The following B3GALT1 variants were observed in gnomAD, a reference collection of about 807,000 sequenced individuals.
B3GALT1 encodes the protein beta-1,3-galactosyltransferase 1, also known as UDP-Gal:betaGlcNAc beta 1,3-galactosyltransferase, polypeptide 1.
Under a neutral mutation model 23.2 loss-of-function variants are expected in B3GALT1, and 10 were observed. That is an observed-to-expected ratio of 0.43 (90% CI 0.27 to 0.73). The LOEUF is 0.73. Ranked by LOEUF, B3GALT1 falls within the 30% of genes least tolerant of loss-of-function variation. The probability of loss-of-function intolerance (pLI) is 0.21; values close to 1 mark genes in which losing one functional copy is unlikely to be tolerated. For missense variants in B3GALT1, 299 were observed against 405.4 expected (o/e 0.74, Z 2.25); for synonymous variants, 156 against 141.5 (o/e 1.10, Z -0.73).
intron 2 of B3GALT1, among the ~76,000 whole-genome samples, chr2:167,514,392 A>T (rs1700071361): frequency 6.6e-6 from 1 of 152,208 alleles, no homozygotes; most frequent in Admixed American, 6.5e-5. Context: ...TAATTTTTGA[A>T]CATTAGATGA....
At chr2:167,649,259 G>A (rs1419334511) in intron 3 of B3GALT1, among the ~76,000 whole-genome samples, 3 of 152,034 alleles carry the variant, frequency 2.0e-5, no homozygotes. Context: ...CATAATAAAT[G>A]TAACACAGAA....
chr2:167,317,732 C>T (rs1696740732), intron 1 of B3GALT1, among the ~76,000 whole-genome samples: 1 of 152,012 alleles, frequency 6.6e-6, no homozygotes, highest in South Asian at 2.1e-4. Flanking sequence ...TACAAAAGGT[C>T]GCTGCTTCTT....
chr2:167,496,911 C>T lies in B3GALT1; in HGVS notation c.-410+6634C>T, dbSNP rs532694720. Among the ~76,000 whole-genome samples, 52 of 152,232 alleles carry T rather than the reference C, an allele frequency of 3.4e-4. 1 individual carries two copies. The South Asian group carries it at 0.01, about 30-fold the overall frequency. On this transcript the variant is annotated intron_variant, in intron 2 of 4. Transcript: ENST00000392690. Reference sequence around the variant, plus strand: ...TGCTGGCACCCTGATTTCAAACTTCCAGCCTCCAGCACTGTAGAAGTACAT... The same window carrying T: ...TGCTGGCACCCTGATTTCAAACTTCTAGCCTCCAGCACTGTAGAAGTACAT...
rs78906618 is a variant in B3GALT1, at chr2:167,529,354, C to G, written c.-410+39077C>G. On this transcript the variant is annotated intron_variant, in intron 2 of 4. Transcript: ENST00000392690. Reference sequence around the variant, plus strand: ...CTTATCATATGTACCAAAATACCATCTATGTACACTGGCAACCTCTGAATT... The same window carrying G: ...CTTATCATATGTACCAAAATACCATGTATGTACACTGGCAACCTCTGAATT... Among the ~76,000 whole-genome samples the G allele has an allele frequency of 7.6e-4, 116 of 152,006 alleles. 1 individual carries two copies. The East Asian group carries it at 0.022, about 29-fold the overall frequency.
intron 3 of B3GALT1, among the ~76,000 whole-genome samples, chr2:167,737,922 G>C (rs1222274443): frequency 6.6e-6 from 1 of 152,124 alleles, no homozygotes; most frequent in Non-Finnish European, 1.5e-5. Flanking sequence ...TTTAAATATA[G>C]AATGATTGAT....
chr2:167,536,850 A>G (rs537695104), intron 2 of B3GALT1, among the ~76,000 whole-genome samples: 35 of 152,200 alleles, frequency 2.3e-4, no homozygotes, highest in Non-Finnish European at 4.3e-4. Flanking sequence ...CTAGAAACTG[A>G]CCCACTAAAG....
chr2:167,327,747 T>C (rs1696916616), intron 1 of B3GALT1, among the ~76,000 whole-genome samples: 1 of 152,036 alleles, frequency 6.6e-6, no homozygotes. Context: ...GGATAGGACT[T>C]CCAGTACTAT....
At chr2:167,628,666 T>G (rs776821387) in intron 2 of B3GALT1, among the ~76,000 whole-genome samples, 1 of 151,744 alleles carries the variant, frequency 6.6e-6, no homozygotes, top group Non-Finnish European at 1.5e-5. Flanking sequence ...CTCTTGTGTC[T>G]CTAATATCAC....
At chr2:167,548,641 AG>A (rs1420486986) in intron 2 of B3GALT1, among the ~76,000 whole-genome samples, 4 of 150,954 alleles carry the variant, frequency 2.6e-5, no homozygotes, top group Non-Finnish European at 5.9e-5. Flanking sequence ...GACACTGAGC[AG>A]ATGCCATACC....
At position 167,394,746 on chromosome 2, in the gene B3GALT1, A is replaced by G. The variant is rs1012047761; in HGVS notation, c.-510-95431A>G. Among the ~76,000 whole-genome samples, 3 of 152,324 alleles carry G rather than the reference A, an allele frequency of 2.0e-5. No individual in the cohort carries two copies. The South Asian group carries it at 6.2e-4, about 32-fold the overall frequency. ...AATGAAGTGTTTTATGGGTGGAAGA[A>G]GAGACCAGAAGACAAAATTGTAGAA... On this transcript the variant is annotated intron_variant, in intron 1 of 4. Transcript: ENST00000392690.
intron 1 of B3GALT1, among the ~76,000 whole-genome samples, chr2:167,475,857 T>C (rs1333291623): frequency 6.6e-6 from 1 of 152,128 alleles, no homozygotes; most frequent in Non-Finnish European, 1.5e-5. Flanking sequence ...GTTCCAGGCC[T>C]CTCTCCCAGC....
Position 167,454,682 on chromosome 2 carries a change from A to C in B3GALT1, c.-510-35495A>C, listed in dbSNP as rs79195257. Reference sequence around the variant, plus strand: ...TAATGTTAGAAATAATAAAGCCTTTAAATAGAAGTTTCAGTAATAAACAAA... The same window carrying C: ...TAATGTTAGAAATAATAAAGCCTTTCAATAGAAGTTTCAGTAATAAACAAA... On this transcript the variant is annotated intron_variant, in intron 1 of 4. Coordinates refer to ENST00000392690, the MANE Select transcript of B3GALT1 (RefSeq NM_020981.4). Among the ~76,000 whole-genome samples, 884 of 152,214 alleles carry C rather than the reference A, an allele frequency of 5.8e-3. 9 individuals are homozygous for C. The highest frequency in any genetic ancestry group is 0.02 in the African/African-American group (848 of 41,468).
At chr2:167,663,509 A>C (rs1686111335) in intron 3 of B3GALT1, among the ~76,000 whole-genome samples, 1 of 151,966 alleles carries the variant, frequency 6.6e-6, no homozygotes, top group Non-Finnish European at 1.5e-5. Context: ...TGGTATTTCT[A>C]GTTCTAGATC....
At chr2:167,480,140 A>G (rs1342822705) in intron 1 of B3GALT1, among the ~76,000 whole-genome samples, 2 of 152,162 alleles carry the variant, frequency 1.3e-5, no homozygotes, top group African/African-American at 4.8e-5. Flanking sequence ...CCCTGGCTAC[A>G]TGACTCTTGA....
chr2:167,505,341 A>G (rs932717769), intron 2 of B3GALT1, among the ~76,000 whole-genome samples: 2 of 152,210 alleles, frequency 1.3e-5, no homozygotes, highest in African/African-American at 4.8e-5. Flanking sequence ...GGAACAAAAG[A>G]AAGGAGTATT....
chr2:167,665,653 T>C (rs1341313878), intron 3 of B3GALT1, among the ~76,000 whole-genome samples: 1 of 152,118 alleles, frequency 6.6e-6, no homozygotes, highest in Non-Finnish European at 1.5e-5. Context: ...CTGTTATTGG[T>C]CTATTCAGAG....
intron 3 of B3GALT1, among the ~76,000 whole-genome samples, chr2:167,786,446 C>T (rs1028616202): frequency 1.3e-5 from 2 of 152,132 alleles, no homozygotes; most frequent in South Asian, 2.1e-4. Flanking sequence ...ACCCTTATTC[C>T]GAGCTTACTT....
At chr2:167,449,900 A>G (rs1574084174) in intron 1 of B3GALT1, among the ~76,000 whole-genome samples, 1 of 152,142 alleles carries the variant, frequency 6.6e-6, no homozygotes, top group Admixed American at 6.5e-5. Context: ...ATATTTATTG[A>G]CATGTACCTG....
At chr2:167,623,470 G>A (rs1166931950) in intron 2 of B3GALT1, among the ~76,000 whole-genome samples, 1 of 152,058 alleles carries the variant, frequency 6.6e-6, no homozygotes, top group Non-Finnish European at 1.5e-5. Flanking sequence ...GATGAAGCTG[G>A]AAACCATCAT....
Sources: gnomAD v4.1 joint callset for allele counts (sites outside exome capture counted in the v4.1 genomes callset) on GRCh38, gnomAD v4.1.1 for gene constraint, MANE v1.5 for transcripts, NCBI Gene and HGNC (gene_info 2026-07-23, HGNC 2026-07-21) for gene names.